Variants in ZNF48 observed in about 807,000 individuals in gnomAD.
ZNF48 encodes zinc finger protein 553.
ZNF48 carries 20 observed loss-of-function variants against 40.0 expected under a neutral mutation model. The ratio of observed to expected loss-of-function variants is 0.50; its 90% CI spans 0.35 to 0.73. The LOEUF (loss-of-function observed/expected upper bound fraction) is 0.73. ZNF48 is among the 30% of genes least tolerant of loss of function. The pLI is 0.01. For missense variants in ZNF48, 726 were observed against 851.9 expected, an observed-to-expected ratio of 0.85 and a Z score of 1.84; for synonymous variants, 298 against 329.7, an observed-to-expected ratio of 0.90 and a Z score of 1.04.
chr16:30,398,678 G>T lies in ZNF48; in HGVS notation c.1428G>T (p.Glu476Asp), dbSNP rs2151119316. 1 of 1,613,510 alleles carries T rather than the reference G, an allele frequency of 6.2e-7. No homozygotes were observed. Among genetic ancestry groups the T allele is most frequent in the Middle Eastern group, 1.7e-4 (1 of 6,060 alleles). Residue 476 changes from glutamate to aspartate, a missense_variant, in exon 3 of 3, where the codon GAG (glutamate) becomes GAT (aspartate). Physicochemically the swap from Glu to Asp is conservative, Grantham distance 45 (BLOSUM62 2). This residue lies in a region of ZNF48 where 25 missense variants were observed against 51.5 expected (regional missense o/e 0.49). Transcript: ENST00000613509. This position sits in a 1 kb window ranked among gnomAD's most constrained non-coding sequence, Gnocchi z 6.6. ...AACACCATCGTGTGCACACAGGGGAGAAACCCTACCTCTGTCCTGAATGCG... is the reference window on the plus strand; with the variant it reads ...AACACCATCGTGTGCACACAGGGGATAAACCCTACCTCTGTCCTGAATGCG... ...LVKHHRVHTG[E>D]KPYLCPECGK...
chr16:30,379,732 G>A (rs1019814784), intron 1 of ZNF48: 16 of 534,136 alleles, frequency 3.0e-5, no homozygotes, highest in Admixed American at 7.8e-5. Context: ...TCAGCCTCCC[G>A]AGTAGCTGGA....
In ZNF48 at chr16:30,382,326, G is replaced by A. The variant is rs1479074865; in HGVS notation, c.-16+3916G>A. The A allele has an allele frequency of 6.2e-7, 1 of 1,613,806 alleles. No homozygotes were observed. Among genetic ancestry groups the A allele is most frequent in the Non-Finnish European group, 8.5e-7 (1 of 1,179,822 alleles). Reference sequence around the variant, plus strand: ...CCCTTCTTGACAGACTTGCGGTGCAGCTGGTTGGGGAGGGCAGCAAAACCC... The same window carrying A: ...CCCTTCTTGACAGACTTGCGGTGCAACTGGTTGGGGAGGGCAGCAAAACCC... On this transcript the variant is annotated intron_variant, in intron 1 of 2. Transcript: ENST00000528032. This position sits in a 1 kb window ranked among gnomAD's most constrained non-coding sequence, Gnocchi z 4.8.
In ZNF48 at chr16:30,397,148, G is replaced by T. The variant is rs1001939121; in HGVS notation, c.80-182G>T. Among the ~76,000 whole-genome samples the T allele has an allele frequency of 6.6e-6, 1 of 152,108 alleles. No homozygotes were observed. Among genetic ancestry groups the T allele is most frequent in the Non-Finnish European group, 1.5e-5 (1 of 68,020 alleles). On this transcript the variant is annotated intron_variant, in intron 2 of 2. Transcript: ENST00000613509. This position sits in a 1 kb window ranked among gnomAD's most constrained non-coding sequence, Gnocchi z 4.1. ...GTTTGGTGAATGACATACATTAAGG[G>T]CACAGTAAAAAGAAGTTTTTATTGA...
At chr16:30,389,794 A>G (rs1305138681) in intron 1 of ZNF48, among the ~76,000 whole-genome samples, 2 of 78,746 alleles carry the variant, frequency 2.5e-5, no homozygotes, top group Non-Finnish European at 5.1e-5. Context: ...CCCATTTAGT[A>G]ATTATTTAGT....
At chr16:30,378,646 C>A (rs1451644614) in intron 1 of ZNF48, 2 of 1,610,232 alleles carry the variant, frequency 1.2e-6, no homozygotes, top group Non-Finnish European at 8.5e-7. Context: ...TCTCGGTGTC[C>A]GCCAGAGGCA....
At chr16:30,379,838 C>A in intron 1 of ZNF48, 2 of 736,426 alleles carry the variant, frequency 2.7e-6, no homozygotes, top group South Asian at 3.3e-5. Context: ...AACTCCTGAC[C>A]TCAGGGGATC....
intron 1 of ZNF48, chr16:30,380,872 TTC>T: frequency 1.9e-6 from 1 of 534,864 alleles, no homozygotes. Context: ...AGTCACTATG[TTC>T]TCATGTCTAT....
chr16:30,397,919 C>T lies in ZNF48; in HGVS notation c.669C>T (p.Gly223=), dbSNP rs1183866836. 5 of 1,612,168 alleles carry T rather than the reference C, an allele frequency of 3.1e-6. No individual in the cohort carries two copies. In the South Asian group the frequency reaches 3.3e-5, roughly 11 times the overall value. ...THTGEKPYKC[G]ICGKGFGDSS... is the part of the protein sequence containing the mutation. ...CTGGTGAGAAGCCCTACAAGTGTGG[C>T]ATATGTGGCAAGGGCTTTGGCGACA... is the stretch of plus-strand genomic sequence containing the variant. Residue 223 remains glycine, a synonymous_variant, in exon 3 of 3, where the codon GGC becomes GGT. Transcript: ENST00000613509. This position sits in a 1 kb window ranked among gnomAD's most constrained non-coding sequence, Gnocchi z 4.1.
chr16:30,391,501 C>CT (rs1365976705), upstream of ZNF48, among the ~76,000 whole-genome samples: 256 of 143,302 alleles, frequency 1.8e-3, 1 homozygote, highest in Middle Eastern at 0.014. Context: ...TTTTTCTTTT[C>CT]TTTTTTTTTT....
At chr16:30,386,618 C>A (rs140194879) in intron 1 of ZNF48, among the ~76,000 whole-genome samples, 1 of 152,192 alleles carries the variant, frequency 6.6e-6, no homozygotes, top group African/African-American at 2.4e-5. Context: ...CCAGACCCTA[C>A]CTCGAAAAAA....
chr16:30,379,031 G>A, intron 1 of ZNF48: 1 of 1,612,784 alleles, frequency 6.2e-7, no homozygotes, highest in Non-Finnish European at 8.5e-7. Context: ...CGGCTGGCTC[G>A]ATCGCGAGCC....
At chr16:30,395,073 TC>T, upstream of ZNF48, 1 of 356,374 alleles carries the variant, frequency 2.8e-6, no homozygotes, top group Non-Finnish European at 5.8e-6. This position sits in a 1 kb window ranked among gnomAD's most constrained non-coding sequence, Gnocchi z 5.9. Flanking sequence ...CCTTGGTCTC[TC>T]CCCCACCCCT....
In ZNF48 at chr16:30,381,002, A is replaced by G. The variant is rs2049839234; in HGVS notation, c.-16+2592A>G. ...CGGCTTACCACCCGCCTTCCTCAGAAGCTTCTCCTACAATCTAGCCTGATG... is the reference window on the plus strand; with the variant it reads ...CGGCTTACCACCCGCCTTCCTCAGAGGCTTCTCCTACAATCTAGCCTGATG... On this transcript the variant is annotated intron_variant, in intron 1 of 2. Transcript: ENST00000528032. The surrounding 1 kb of genome is among the most constrained non-coding windows in gnomAD (Gnocchi z 4.3). 6 of 820,144 alleles carry G rather than the reference A, an allele frequency of 7.3e-6. No homozygotes were observed. The highest frequency in any genetic ancestry group is 1.2e-5 in the Non-Finnish European group (6 of 481,108). 50.8% of individuals were successfully genotyped at this position (820,144 alleles called of 1,614,324 possible). A position where few individuals can be genotyped will look rare whatever the true frequency, so the allele number is the denominator to read the frequency against.
chr16:30,380,091 T>C, intron 1 of ZNF48: 1 of 1,437,370 alleles, frequency 7.0e-7, no homozygotes. Context: ...AGACATTTCA[T>C]GACCAGAGAC....
At position 30,397,380 on chromosome 16, in the gene ZNF48, C is replaced by T; in HGVS notation, c.130C>T (p.Pro44Ser). ...TCAGCCGAATGAGTTTGAACATACC[C>T]CACAGGAAGATGACTTGGGGTTCAA... ...ISQPNEFEHT[P>S]QEDDLGFKEE... Residue 44 changes from proline to serine, a missense_variant, in exon 3 of 3, where the codon CCA (proline) becomes TCA (serine). Pro to Ser is a moderately conservative substitution (Grantham distance 74, BLOSUM62 -1). This residue lies in a region of ZNF48 where 151 missense variants were observed against 162.3 expected (regional missense o/e 0.93). Transcript: ENST00000613509. The surrounding 1 kb of genome is among the most constrained non-coding windows in gnomAD (Gnocchi z 4.1). The T allele has an allele frequency of 6.2e-7, 1 of 1,614,004 alleles. No individual in the cohort carries two copies. The highest frequency in any genetic ancestry group is 8.5e-7 in the Non-Finnish European group (1 of 1,179,962).
chr16:30,384,649 G>A (rs1212565002), intron 1 of ZNF48, among the ~76,000 whole-genome samples: 1 of 151,820 alleles, frequency 6.6e-6, no homozygotes, highest in African/African-American at 2.4e-5. Flanking sequence ...GGACAGGGCA[G>A]TCGGATCACT....
upstream of ZNF48, among the ~76,000 whole-genome samples, chr16:30,393,681 G>C (rs1597017433): frequency 1.3e-5 from 2 of 151,790 alleles, no homozygotes; most frequent in East Asian, 3.9e-4. Context: ...CACTGCACCT[G>C]GCCGGGTCCA....
exon 1 of ZNF48, chr16:30,378,367 G>A (rs949879519): frequency 1.4e-6 from 2 of 1,418,676 alleles, no homozygotes; most frequent in African/African-American, 2.9e-5. Context: ...GGGCAGTGTG[G>A]GGCGCGGGGA....
intron 1 of ZNF48, among the ~76,000 whole-genome samples, chr16:30,388,560 G>T (rs189082563): frequency 1.7e-4 from 26 of 152,182 alleles, no homozygotes; most frequent in Admixed American, 1.7e-3. Context: ...GCCAGGCCAG[G>T]TGCAGTGGCA....
Sources: gnomAD v4.1 joint callset for allele counts (sites outside exome capture counted in the v4.1 genomes callset) on GRCh38, gnomAD v4.1.1 for gene constraint, gnomAD v4.1.1 regional missense constraint, Gnocchi (gnomAD v3.1) non-coding constraint, MANE v1.5 for transcripts, NCBI Gene and HGNC (gene_info 2026-07-23, HGNC 2026-07-21) for gene names.